Variants in ENTHD1 observed in about 807,000 individuals in gnomAD.
ENTHD1 encodes ENTH domain-containing protein 1.
In ENTHD1, 23 loss-of-function variants were observed where a neutral mutation model predicts 39.1. The ratio of observed to expected loss-of-function variants is 0.59; its 90% CI spans 0.42 to 0.83. ENTHD1 has a LOEUF of 0.83. Among genes scored for constraint, ENTHD1 ranks in the 40% least tolerant of loss-of-function variants. The probability of loss-of-function intolerance (pLI) is 0.00; values close to 1 mark genes in which losing one functional copy is unlikely to be tolerated. For missense variants in ENTHD1, 624 were observed against 705.4 expected (o/e 0.88, Z 1.31); for synonymous variants, 230 against 258.2 (o/e 0.89, Z 1.05).
chr22:39,824,498 C>G (rs780495301), intron 4 of ENTHD1, among the ~76,000 whole-genome samples: 3 of 151,922 alleles, frequency 2.0e-5, no homozygotes, highest in Non-Finnish European at 4.4e-5. Flanking sequence ...GGTGAGCCAC[C>G]GCACCCGGCC....
intron 1 of ENTHD1, among the ~76,000 whole-genome samples, chr22:39,888,260 C>CTTTTTTTTTTTTT (rs61092462): frequency 5.4e-5 from 6 of 110,642 alleles, no homozygotes; most frequent in Non-Finnish European, 1.0e-4. Context: ...TTCTTTCTTT[C>CTTTTTTTTTTTTT]TTTTTTTTTT....
At chr22:39,756,618 C>A (rs2065187922) in intron 6 of ENTHD1, among the ~76,000 whole-genome samples, 1 of 152,184 alleles carries the variant, frequency 6.6e-6, no homozygotes, top group Non-Finnish European at 1.5e-5. Context: ...CAGGCATGAG[C>A]CACAGTGCCC....
chr22:39,784,087 C>G (rs2065434470), intron 5 of ENTHD1, among the ~76,000 whole-genome samples: 1 of 151,804 alleles, frequency 6.6e-6, no homozygotes, highest in Admixed American at 6.6e-5. Flanking sequence ...GGCAAAAGAT[C>G]TTAATAAACA....
intron 3 of ENTHD1, among the ~76,000 whole-genome samples, chr22:39,836,451 G>A (rs1466750133): frequency 2.6e-5 from 4 of 152,026 alleles, no homozygotes; most frequent in African/African-American, 9.7e-5. Flanking sequence ...AAAGTGAAAA[G>A]TATTCAAATA....
intron 5 of ENTHD1, among the ~76,000 whole-genome samples, chr22:39,786,334 A>G (rs953532318): frequency 4.6e-5 from 7 of 152,184 alleles, no homozygotes; most frequent in Non-Finnish European, 8.8e-5. Context: ...GATTAAATCA[A>G]ACTAACGAAT....
At chr22:39,882,840 TA>T (rs1222264747) in intron 2 of ENTHD1, among the ~76,000 whole-genome samples, 1 of 151,578 alleles carries the variant, frequency 6.6e-6, no homozygotes, top group Non-Finnish European at 1.5e-5. Context: ...CTGTCTCTAC[TA>T]AAAATACGAA....
chr22:39,876,852 T>C (rs1357949900), intron 2 of ENTHD1, among the ~76,000 whole-genome samples: 1 of 152,208 alleles, frequency 6.6e-6, no homozygotes, highest in Non-Finnish European at 1.5e-5. Context: ...GGTATAAAAA[T>C]ATCAAGGTAT....
At chr22:39,849,311 T>C (rs575663900) in intron 3 of ENTHD1, among the ~76,000 whole-genome samples, 120 of 152,278 alleles carry the variant, frequency 7.9e-4, no homozygotes, top group South Asian at 1.7e-3. Context: ...CAGGGGACAT[T>C]TGGCAATGTC....
At chr22:39,823,905 G>A (rs1342936944) in intron 4 of ENTHD1, among the ~76,000 whole-genome samples, 2 of 152,190 alleles carry the variant, frequency 1.3e-5, no homozygotes, top group African/African-American at 4.8e-5. Flanking sequence ...GGCTAATAAC[G>A]TTGAACAACT....
intron 6 of ENTHD1, among the ~76,000 whole-genome samples, chr22:39,745,544 A>C (rs1228359808): frequency 6.6e-6 from 1 of 152,124 alleles, no homozygotes; most frequent in Non-Finnish European, 1.5e-5. Flanking sequence ...TTTTTTGGGG[A>C]TGAAATATAT....
At chr22:39,877,980 T>C (rs759295160) in intron 2 of ENTHD1, among the ~76,000 whole-genome samples, 3 of 152,144 alleles carry the variant, frequency 2.0e-5, no homozygotes, top group African/African-American at 7.2e-5. Flanking sequence ...CCGGTGCAGA[T>C]AGGGCCGAGA....
chr22:39,868,721 G>C (rs2146738589), intron 2 of ENTHD1, among the ~76,000 whole-genome samples: 1 of 152,220 alleles, frequency 6.6e-6, no homozygotes, highest in South Asian at 2.1e-4. Flanking sequence ...CATAAACTAT[G>C]CATCTGACAA....
intron 5 of ENTHD1, among the ~76,000 whole-genome samples, chr22:39,796,227 G>C (rs73163073): frequency 0.021 from 3,250 of 152,052 alleles, 42 homozygotes; most frequent in Non-Finnish European, 0.033. Context: ...TGCTTTTGCT[G>C]TGTCCCACTA....
intron 4 of ENTHD1, among the ~76,000 whole-genome samples, chr22:39,824,475 C>T (rs1055578721): frequency 6.6e-6 from 1 of 151,978 alleles, no homozygotes; most frequent in African/African-American, 2.4e-5. Flanking sequence ...TCCCAAAGTG[C>T]GGGGATTACA....
intron 5 of ENTHD1, among the ~76,000 whole-genome samples, chr22:39,804,955 G>A (rs2065628973): frequency 6.6e-6 from 1 of 151,810 alleles, no homozygotes; most frequent in African/African-American, 2.4e-5. Context: ...ATAGAGATCT[G>A]CAGCAAGAGT....
chr22:39,747,133 TG>T (rs2146528597), intron 6 of ENTHD1, among the ~76,000 whole-genome samples: 1 of 152,212 alleles, frequency 6.6e-6, no homozygotes, highest in East Asian at 1.9e-4. Context: ...ACTACAGGTG[TG>T]GGCCACCAAT....
Position 39,887,393 on chromosome 22 carries a change from C to G in ENTHD1, c.349+7G>C. On this transcript the variant is annotated splice_region_variant and intron_variant, in intron 2 of 6. Coordinates refer to ENST00000325157, the MANE Select transcript of ENTHD1 (RefSeq NM_152512.4). ...ACCCAGCTTATATAAACTTCTTTAACCATTACCTTGGTCTTTTCCAGCTTC... is the reference window on the plus strand; with the variant it reads ...ACCCAGCTTATATAAACTTCTTTAAGCATTACCTTGGTCTTTTCCAGCTTC... The G allele has an allele frequency of 6.3e-7, 1 of 1,593,236 alleles. No homozygotes were observed. The highest frequency in any genetic ancestry group is 8.5e-7 in the Non-Finnish European group (1 of 1,170,292).
At chr22:39,768,985 TAC>T (rs2065300394) in intron 5 of ENTHD1, among the ~76,000 whole-genome samples, 1 of 151,968 alleles carries the variant, frequency 6.6e-6, no homozygotes, top group African/African-American at 2.4e-5. Context: ...TAGATACATA[TAC>T]ACACACTAAC....
At chr22:39,754,682 C>T (rs1181011948) in intron 6 of ENTHD1, among the ~76,000 whole-genome samples, 1 of 152,170 alleles carries the variant, frequency 6.6e-6, no homozygotes, top group Non-Finnish European at 1.5e-5. Context: ...GGATTCTTGA[C>T]TCTAGTTCAC....
Sources: gnomAD v4.1 joint callset for allele counts (sites outside exome capture counted in the v4.1 genomes callset) on GRCh38, gnomAD v4.1.1 for gene constraint, MANE v1.5 for transcripts, NCBI Gene and HGNC (gene_info 2026-07-23, HGNC 2026-07-21) for gene names.